Variants in ROBO2 observed in about 807,000 individuals in gnomAD.
ROBO2 encodes the protein roundabout guidance receptor 2.
Under a neutral mutation model 160.8 loss-of-function variants are expected in ROBO2, and 53 were observed. The ratio of observed to expected loss-of-function variants is 0.33; its 90% CI spans 0.26 to 0.41. The LOEUF (loss-of-function observed/expected upper bound fraction) is 0.41. Ranked by LOEUF, ROBO2 falls within the 10% of genes least tolerant of loss-of-function variation. The pLI is 1.00. For synonymous variants in ROBO2, 664 were observed against 611.7 expected (o/e 1.09, Z -1.26); for missense variants, 1,577 against 1,722.4 (o/e 0.92, Z 1.49).
chr3:76,154,529 A>G (rs1039785307), intron 2 of ROBO2, among the ~76,000 whole-genome samples: 3 of 152,174 alleles, frequency 2.0e-5, no homozygotes, highest in Non-Finnish European at 4.4e-5. Context: ...CTCATTGCCA[A>G]TGACAAGATA....
At chr3:77,216,440 G>A (rs1451644417) in intron 2 of ROBO2, among the ~76,000 whole-genome samples, 1 of 152,188 alleles carries the variant, frequency 6.6e-6, no homozygotes, top group Non-Finnish European at 1.5e-5. Context: ...CAGTATTAGG[G>A]TGGGAGTGAC....
rs559893899 is a variant in ROBO2 at position 76,926,034 on chromosome 3, T to C, written c.110-171980T>C. Among the ~76,000 whole-genome samples the C allele has an allele frequency of 6.6e-5, 10 of 152,314 alleles. No homozygotes were observed. The East Asian group carries it at 1.7e-3, about 27-fold the overall frequency. ...TTTGAGGCAGAATCTATCTTTTGAT[T>C]TCTGTCTCAGTCTAATATGATGACT... On this transcript the variant is annotated intron_variant, in intron 2 of 26. Transcript: ENST00000487694.
chr3:76,250,699 G>A (rs1158487021), intron 2 of ROBO2, among the ~76,000 whole-genome samples: 5 of 151,984 alleles, frequency 3.3e-5, no homozygotes, highest in African/African-American at 7.2e-5. Context: ...TAAAGCACTC[G>A]AAACAATGCT....
At chr3:77,054,928 A>ATGTGTGTGTGTG (rs574557375) in intron 1 of ROBO2, among the ~76,000 whole-genome samples, 3,747 of 113,138 alleles carry the variant, frequency 0.033, 172 homozygotes, top group East Asian at 0.19. Context: ...TCTCGCGTGT[A>ATGTGTGTGTGTG]TGTGTGTGTG....
intron 2 of ROBO2, among the ~76,000 whole-genome samples, chr3:76,336,110 T>G (rs1453595810): frequency 6.6e-6 from 1 of 152,190 alleles, no homozygotes; most frequent in Non-Finnish European, 1.5e-5. Flanking sequence ...CCTGTATTCT[T>G]GAAGCTGTCA....
At chr3:77,550,182 G>A (rs1292924257) in intron 7 of ROBO2, among the ~76,000 whole-genome samples, 7 of 151,950 alleles carry the variant, frequency 4.6e-5, no homozygotes, top group Admixed American at 2.0e-4. Flanking sequence ...CACACTTTTA[G>A]AAACATTCTA....
intron 2 of ROBO2, among the ~76,000 whole-genome samples, chr3:77,000,580 A>G (rs2061285881): frequency 7.7e-6 from 1 of 129,414 alleles, no homozygotes; most frequent in South Asian, 2.5e-4. Context: ...CATTTTCATG[A>G]CTTTTTTTCT....
chr3:77,585,054 G>T (rs967595765), intron 16 of ROBO2, among the ~76,000 whole-genome samples: 7 of 150,480 alleles, frequency 4.7e-5, no homozygotes, highest in Non-Finnish European at 1.0e-4. Flanking sequence ...TTATGAAATG[G>T]ATTGGCTGAA....
intron 2 of ROBO2, among the ~76,000 whole-genome samples, chr3:76,350,031 A>G (rs1448184590): frequency 6.6e-6 from 1 of 152,054 alleles, no homozygotes; most frequent in African/African-American, 2.4e-5. Context: ...TCTTCAAAAG[A>G]TAGTTTGAAA....
chr3:76,084,509 T>C (rs777248888), intron 2 of ROBO2, among the ~76,000 whole-genome samples: 30 of 152,142 alleles, frequency 2.0e-4, no homozygotes, highest in Admixed American at 2.0e-4. Context: ...TACTCAAAAT[T>C]ACACAGTTAA....
At chr3:76,981,771 T>A (rs184677250) in intron 2 of ROBO2, among the ~76,000 whole-genome samples, 1 of 152,274 alleles carries the variant, frequency 6.6e-6, no homozygotes, top group East Asian at 1.9e-4. Flanking sequence ...GTGAAACCTC[T>A]ATGAGCTTAG....
chr3:76,039,172 A>G (rs1371230620), intron 2 of ROBO2, among the ~76,000 whole-genome samples: 1 of 152,010 alleles, frequency 6.6e-6, no homozygotes, highest in African/African-American at 2.4e-5. Context: ...CTAGAGAAGG[A>G]TGCGGTACAG....
intron 2 of ROBO2, among the ~76,000 whole-genome samples, chr3:77,175,416 T>C (rs1365956815): frequency 6.6e-6 from 1 of 152,022 alleles, no homozygotes; most frequent in Non-Finnish European, 1.5e-5. Flanking sequence ...GGAATGATAA[T>C]GTAGAGGTCC....
chr3:77,367,539 A>G (rs1470902237), intron 2 of ROBO2, among the ~76,000 whole-genome samples: 1 of 152,192 alleles, frequency 6.6e-6, no homozygotes, highest in Admixed American at 6.5e-5. Context: ...AAGACATTCA[A>G]CATGAAAAAT....
intron 2 of ROBO2, among the ~76,000 whole-genome samples, chr3:77,396,079 AG>A (rs1393323978): frequency 6.6e-6 from 1 of 151,830 alleles, no homozygotes; most frequent in Non-Finnish European, 1.5e-5. Flanking sequence ...AAAAAAAAAA[AG>A]AAAAGCACTA....
chr3:76,647,172 T>A (rs1445575740), intron 2 of ROBO2, among the ~76,000 whole-genome samples: 1 of 152,030 alleles, frequency 6.6e-6, no homozygotes, highest in East Asian at 1.9e-4. Flanking sequence ...ATCTCCGTGG[T>A]GGGTGAGCTA....
At chr3:75,945,186 G>A (rs1948230126) in intron 2 of ROBO2, among the ~76,000 whole-genome samples, 1 of 152,158 alleles carries the variant, frequency 6.6e-6, no homozygotes, top group Non-Finnish European at 1.5e-5. Flanking sequence ...AACATAGGGA[G>A]ACAGATAACA....
chr3:75,916,960 A>G (rs766802418), intron 1 of ROBO2, among the ~76,000 whole-genome samples: 15 of 146,078 alleles, frequency 1.0e-4, no homozygotes, highest in Non-Finnish European at 1.8e-4. Flanking sequence ...TATGTACATA[A>G]TGAAAATGAG....
At chr3:76,607,720 T>C (rs868735165) in intron 2 of ROBO2, among the ~76,000 whole-genome samples, 1 of 152,226 alleles carries the variant, frequency 6.6e-6, no homozygotes, top group Non-Finnish European at 1.5e-5. Context: ...ACTGAACTTA[T>C]TTGCTAGAAT....
Sources: allele counts gnomAD v4.1 joint callset (sites outside exome capture counted in the v4.1 genomes callset), GRCh38; gene constraint gnomAD v4.1.1; transcripts MANE v1.5; gene names NCBI Gene and HGNC (gene_info 2026-07-23, HGNC 2026-07-21).